The following KNDC1 variants were observed in gnomAD, a reference collection of about 807,000 sequenced individuals.
KNDC1 encodes kinase non-catalytic C-lobe domain-containing protein 1.
A neutral mutation model predicts 172.8 loss-of-function variants in KNDC1; 106 were observed. The ratio of observed to expected loss-of-function variants is 0.61; its 90% CI spans 0.52 to 0.72. KNDC1 has a LOEUF of 0.72. Ranked by LOEUF, KNDC1 falls within the 30% of genes least tolerant of loss-of-function variation. The pLI is 0.00. For missense variants in KNDC1, 2,325 were observed against 2,394.5 expected (o/e 0.97, Z 0.61); for synonymous variants, 1,083 against 1,062.2 (o/e 1.02, Z -0.38).
At chr10:133,206,072 T>C (rs969288594) in intron 17 of KNDC1, among the ~76,000 whole-genome samples, 2 of 151,836 alleles carry the variant, frequency 1.3e-5, no homozygotes, top group South Asian at 4.2e-4. Context: ...TGGTGGTGCA[T>C]GCCTGTAATC....
rs1564896037 is a variant in KNDC1, at chr10:133,207,358, T to C, written c.3794+7T>C. Reference sequence around the variant, plus strand: ...TGGCCTACCTGTACTCCAGGTGCGTTGGGAGAAAAGCTCACCCGGAAAAGG... The same window carrying C: ...TGGCCTACCTGTACTCCAGGTGCGTCGGGAGAAAAGCTCACCCGGAAAAGG... On this transcript the variant is annotated splice_region_variant and intron_variant, in intron 20 of 29. Coordinates refer to ENST00000304613, the MANE Select transcript of KNDC1 (RefSeq NM_152643.8). 4 of 1,611,344 alleles carry C rather than the reference T, an allele frequency of 2.5e-6. No individual in the cohort carries two copies. The highest frequency in any genetic ancestry group is 1.7e-5 in the Admixed American group (1 of 59,960).
At position 133,211,334 on chromosome 10, in the gene KNDC1, C is replaced by T; in HGVS notation, c.3909-88C>T. On this transcript the variant is annotated intron_variant, in intron 21 of 29. Transcript: ENST00000304613. ...ACACATGGAGCCTGGTCCCACCCTGCCTCTCTGGGAGAGCCACATGCAAGC... is the reference window on the plus strand; with the variant it reads ...ACACATGGAGCCTGGTCCCACCCTGTCTCTCTGGGAGAGCCACATGCAAGC... 23 of 1,281,012 alleles carry T rather than the reference C, an allele frequency of 1.8e-5. 1 individual carries two copies. Among genetic ancestry groups the T allele is most frequent in the Non-Finnish European group, 2.5e-5 (23 of 934,374 alleles). The allele number at this position is 1,281,012 out of a possible 1,614,324, so 79.4% of individuals were successfully genotyped here. A position where few individuals can be genotyped will look rare whatever the true frequency, so the allele number is the denominator to read the frequency against.
Position 133,183,480 on chromosome 10 carries a change from C to T in KNDC1, c.497C>T (p.Pro166Leu), listed in dbSNP as rs1439545846. ...CAGGCGGAGGACCCCGGGGACCGGC[C>T]GGACCTTGAGGTAAGCGAGGCTGCC... Reference protein sequence around the residue: ...RMQAEDPGDRPDLESIIALCE... With the variant: ...RMQAEDPGDRLDLESIIALCE... Residue 166 changes from proline (P) to leucine (L), a missense_variant, in exon 4 of 30, where the codon CCG becomes CTG. By Grantham distance (98) the Pro-to-Leu change is moderately conservative. Coordinates refer to ENST00000304613, the MANE Select transcript of KNDC1 (RefSeq NM_152643.8). 1.4e-5 allele frequency: 23 copies of T among 1,602,710 alleles called. No individual in the cohort carries two copies. Among genetic ancestry groups the T allele is most frequent in the Non-Finnish European group, 1.7e-5 (20 of 1,177,192 alleles).
chr10:133,214,152 CGGGGCGTG>C (rs776085156), intron 26 of KNDC1, 30 bp downstream of exon 26: 1 of 1,611,336 alleles, frequency 6.2e-7, no homozygotes, highest in Admixed American at 1.7e-5. Context: ...GAGGCCAACA[CGGGGCGTG>C]GGGCCCACCT....
intron 26 of KNDC1, among the ~76,000 whole-genome samples, chr10:133,214,559 C>T (rs981098667): frequency 9.9e-5 from 15 of 152,194 alleles, no homozygotes; most frequent in African/African-American, 3.1e-4. Flanking sequence ...CACTGGGCTC[C>T]GCCACACACC....
intron 3 of KNDC1, among the ~76,000 whole-genome samples, chr10:133,181,497 C>T (rs976117747): frequency 3.9e-5 from 6 of 152,192 alleles, no homozygotes; most frequent in Admixed American, 1.3e-4. Flanking sequence ...ACCAGAGGTG[C>T]GTGCACAGCA....
intron 17 of KNDC1, among the ~76,000 whole-genome samples, chr10:133,205,017 T>A (rs1377773366): frequency 6.9e-6 from 1 of 145,674 alleles, no homozygotes; most frequent in Non-Finnish European, 1.5e-5. Flanking sequence ...ACCACCACCC[T>A]CCTCACCCCC....
At chr10:133,177,534 AGTGT>A (rs746910194) in intron 3 of KNDC1, among the ~76,000 whole-genome samples, 3 of 151,496 alleles carry the variant, frequency 2.0e-5, no homozygotes, top group African/African-American at 7.3e-5. Flanking sequence ...GCATGCACAT[AGTGT>A]GTGTCATGAG....
intron 21 of KNDC1, among the ~76,000 whole-genome samples, chr10:133,211,096 T>A (rs1037802262): frequency 2.6e-5 from 4 of 151,918 alleles, no homozygotes; most frequent in Non-Finnish European, 5.9e-5. Context: ...CCAGCCTCCC[T>A]CGGTACCCAT....
chr10:133,165,551 C>A (rs763619982), intron 1 of KNDC1, among the ~76,000 whole-genome samples: 2 of 152,238 alleles, frequency 1.3e-5, no homozygotes, highest in Non-Finnish European at 2.9e-5. Flanking sequence ...CCTACGGGGT[C>A]CTCAGACTGA....
chr10:133,202,249 T>G, intron 17 of KNDC1: 1 of 583,568 alleles, frequency 1.7e-6, no homozygotes. Context: ...AGGCACAGCC[T>G]CCGGGCCCTT....
rs913393910 is a variant in KNDC1, at chr10:133,168,426, C to T, written c.360+114C>T. 53 of 1,128,474 alleles carry T rather than the reference C, an allele frequency of 4.7e-5. 1 individual carries two copies. In the Admixed American group the frequency reaches 5.5e-4, roughly 12 times the overall value. 69.9% of individuals were successfully genotyped at this position (1,128,474 alleles called of 1,614,324 possible). On this transcript the variant is annotated intron_variant, in intron 3 of 29. Coordinates refer to ENST00000304613, the MANE Select transcript of KNDC1 (RefSeq NM_152643.8). ...GCGACCTCTGCAAGTGGCCTCTGGCCGGGAGCGGAGCCGCTGCTGCCCGGT... is the reference window on the plus strand; with the variant it reads ...GCGACCTCTGCAAGTGGCCTCTGGCTGGGAGCGGAGCCGCTGCTGCCCGGT...
chr10:133,216,486 G>A (rs762884590), intron 26 of KNDC1, among the ~76,000 whole-genome samples: 6 of 152,072 alleles, frequency 3.9e-5, no homozygotes, highest in Non-Finnish European at 7.4e-5. Flanking sequence ...GGATCAGCTT[G>A]GACAACATAT....
At chr10:133,195,302 G>A (rs1474009126) in intron 9 of KNDC1, among the ~76,000 whole-genome samples, 2 of 152,200 alleles carry the variant, frequency 1.3e-5, no homozygotes, top group African/African-American at 4.8e-5. Flanking sequence ...ACCAGTCGGG[G>A]GGCTCCCGGG....
intron 9 of KNDC1, among the ~76,000 whole-genome samples, chr10:133,192,849 G>A (rs1854097540): frequency 6.6e-6 from 1 of 152,138 alleles, no homozygotes; most frequent in Non-Finnish European, 1.5e-5. Flanking sequence ...CCTGGAAAGA[G>A]AAGAGAAGGA....
chr10:133,207,280 G>C lies in KNDC1; in HGVS notation c.3723G>C (p.Pro1241=). Residue 1241 remains proline (P), a synonymous_variant, in exon 20 of 30, where the codon CCG becomes CCC. Transcript: ENST00000304613. ...SLIFYNVNKH[P]GGRQKARILQ... is the part of the protein sequence containing the mutation. ...TCTTCTACAACGTCAACAAGCACCC[G>C]GGCGGCCGGCAGAAGGCCCGCATCC... The C allele has an allele frequency of 1.2e-6, 2 of 1,613,032 alleles. No homozygotes were observed. The highest frequency in any genetic ancestry group is 8.5e-7 in the Non-Finnish European group (1 of 1,179,976).
intron 1 of KNDC1, among the ~76,000 whole-genome samples, chr10:133,165,814 G>A (rs955131424): frequency 3.3e-5 from 5 of 152,190 alleles, no homozygotes; most frequent in Non-Finnish European, 5.9e-5. Context: ...CTAAGAGGGC[G>A]GCAGGCTTGA....
chr10:133,200,047 G>A (rs7903439), intron 15 of KNDC1, among the ~76,000 whole-genome samples: 2,557 of 152,118 alleles, frequency 0.017, 74 homozygotes, highest in African/African-American at 0.056. Context: ...CTTGCTCACA[G>A]CTCCACGCGG....
Position 133,186,272 on chromosome 10 carries a change from C to T in KNDC1, c.924C>T (p.Phe308=), listed in dbSNP as rs769053401. ...GCCGCCTGCGGAAGGTGCAGACGTT[C>T]CCTAGGCTGCTGTCCGACAGCCCCG... is the stretch of plus-strand genomic sequence containing the variant. ...RRSRLRKVQT[F]PRLLSDSPEA... Residue 308 remains phenylalanine (F), a synonymous_variant, in exon 6 of 30, where the codon TTC becomes TTT. Transcript: ENST00000304613. 3.7e-6 allele frequency: 6 copies of T among 1,609,372 alleles called. No individual in the cohort carries two copies. Among genetic ancestry groups the T allele is most frequent in the South Asian group, 1.1e-5 (1 of 90,572 alleles).
Sources: allele counts gnomAD v4.1 joint callset (sites outside exome capture counted in the v4.1 genomes callset), GRCh38; gene constraint gnomAD v4.1.1; transcripts MANE v1.5; gene names NCBI Gene and HGNC (gene_info 2026-07-23, HGNC 2026-07-21).